The following BLTP1 variants were observed in gnomAD, a reference collection of about 807,000 sequenced individuals.
BLTP1 encodes bridge-like lipid transfer protein family member 1, also known as fragile site-associated protein.
the BLTP1 span, chr4:122,250,407 T>A: frequency 1.4e-5 from 22 of 1,613,698 alleles, no homozygotes; most frequent in Non-Finnish European, 1.9e-5. Flanking sequence ...TTTGGAATTA[T>A]GGGTAAAGCT....
chr4:122,209,077 G>T, the BLTP1 span: 1 of 1,307,210 alleles, frequency 7.6e-7, no homozygotes, highest in Non-Finnish European at 9.8e-7. Context: ...CAAGATTGTT[G>T]TAGACAGGTT....
At chr4:122,208,599 A>T in the BLTP1 span, 1 of 979,496 alleles carries the variant, frequency 1.0e-6, no homozygotes, top group South Asian at 4.7e-5. Flanking sequence ...GAACTTAAAA[A>T]AAATATCTGT....
chr4:122,270,255 A>C, the BLTP1 span: 1 of 486,050 alleles, frequency 2.1e-6, no homozygotes, highest in Non-Finnish European at 2.7e-6. Flanking sequence ...AATGCAAAAT[A>C]TCAAAGCAGC....
At chr4:122,340,204 A>G in the BLTP1 span, among the ~76,000 whole-genome samples, 1 of 152,174 alleles carries the variant, frequency 6.6e-6, no homozygotes, top group African/African-American at 2.4e-5. Context: ...AAGAGAAACC[A>G]GAGATGCTGC....
chr4:122,327,010 C>T, the BLTP1 span, among the ~76,000 whole-genome samples: 1 of 151,858 alleles, frequency 6.6e-6, no homozygotes, highest in African/African-American at 2.4e-5. Context: ...CATAAATTAC[C>T]TTGCACATTA....
the BLTP1 span, chr4:122,219,214 G>T: frequency 2.1e-6 from 3 of 1,444,250 alleles, no homozygotes; most frequent in Non-Finnish European, 1.8e-6. Flanking sequence ...AAGACAATAG[G>T]CCTGATGCCT....
At chr4:122,206,072 A>G in the BLTP1 span, 1 of 979,692 alleles carries the variant, frequency 1.0e-6, no homozygotes, top group South Asian at 4.7e-5. Flanking sequence ...CAGACAAAAT[A>G]TATGAACACA....
the BLTP1 span, chr4:122,336,087 T>C: frequency 1.2e-6 from 1 of 846,520 alleles, no homozygotes; most frequent in East Asian, 2.7e-5. Context: ...TTGTAAGGCC[T>C]TAAATGTGAG....
the BLTP1 span, among the ~76,000 whole-genome samples, chr4:122,159,890 G>A: frequency 1.3e-5 from 2 of 152,184 alleles, no homozygotes; most frequent in African/African-American, 4.8e-5. Flanking sequence ...ACATAATTCT[G>A]TTGGGCTTTA....
the BLTP1 span, chr4:122,250,330 T>G: frequency 1.9e-6 from 3 of 1,559,372 alleles, no homozygotes; most frequent in Non-Finnish European, 2.6e-6. Flanking sequence ...TTATTCACCA[T>G]TTATAATAAA....
At chr4:122,317,402 C>CTGA in the BLTP1 span, among the ~76,000 whole-genome samples, 1 of 151,320 alleles carries the variant, frequency 6.6e-6, no homozygotes, top group Non-Finnish European at 1.5e-5. Context: ...CACTTTATGA[C>CTGA]TGATGGTTTA....
the BLTP1 span, chr4:122,290,838 CA>C: frequency 7.1e-6 from 1 of 140,420 alleles, no homozygotes; most frequent in African/African-American, 2.7e-5. Flanking sequence ...CACACACACA[CA>C]CACACACACA....
chr4:122,237,590 A>T, the BLTP1 span: 4 of 633,542 alleles, frequency 6.3e-6, no homozygotes, highest in African/African-American at 7.9e-5. Flanking sequence ...AAGTTTGAAA[A>T]TTTTCCAATA....
the BLTP1 span, chr4:122,237,991 A>AAG: frequency 4.5e-6 from 6 of 1,326,032 alleles, no homozygotes; most frequent in Non-Finnish European, 6.0e-6. Flanking sequence ...CAAAAAAAAA[A>AAG]AAAAAAAAAA....
the BLTP1 span, chr4:122,334,492 T>C: frequency 6.2e-7 from 1 of 1,612,772 alleles, no homozygotes; most frequent in South Asian, 1.1e-5. Flanking sequence ...CCTTCCACTG[T>C]CCAGAGCAAG....
At chr4:122,179,814 C>T in the BLTP1 span, 1 of 982,666 alleles carries the variant, frequency 1.0e-6, no homozygotes, top group Non-Finnish European at 1.2e-6. Flanking sequence ...CACACAAGTG[C>T]TAGTACACTC....
the BLTP1 span, chr4:122,229,605 A>T: frequency 6.2e-5 from 29 of 464,072 alleles, no homozygotes; most frequent in Non-Finnish European, 7.6e-5. Context: ...TTTGTTTCCC[A>T]CTCTTTTATG....
At chr4:122,249,341 T>A in the BLTP1 span, 1 of 1,303,074 alleles carries the variant, frequency 7.7e-7, no homozygotes, top group African/African-American at 1.5e-5. Flanking sequence ...AAAAGTTAGC[T>A]CATTTGCCTG....
At chr4:122,239,655 A>T in the BLTP1 span, 1 of 1,614,128 alleles carries the variant, frequency 6.2e-7, no homozygotes, top group Non-Finnish European at 8.5e-7. Context: ...TAAGAGTCTT[A>T]CTGCTGCTTT....
Sources: allele counts gnomAD v4.1 joint callset (sites outside exome capture counted in the v4.1 genomes callset), GRCh38; gene constraint gnomAD v4.1.1; transcripts MANE v1.5; gene names NCBI Gene and HGNC (gene_info 2026-07-23, HGNC 2026-07-21).